The following CD9 variants were observed in gnomAD, a reference collection of about 807,000 sequenced individuals.
CD9 encodes CD9 molecule.
A neutral mutation model predicts 31.4 loss-of-function variants in CD9; 10 were observed. The observed-to-expected ratio is 0.32, with a 90% CI of 0.20 to 0.54. The LOEUF is 0.54. Ranked by LOEUF, CD9 falls within the 20% of genes least tolerant of loss-of-function variation. CD9 has a pLI of 0.94. For missense variants in CD9, 259 were observed against 300.1 expected (o/e 0.86, Z 1.01); for synonymous variants, 113 against 114.1 (o/e 0.99, Z 0.06).
intron 1 of CD9, among the ~76,000 whole-genome samples, chr12:6,205,357 C>G (rs979652800): frequency 1.3e-5 from 2 of 152,216 alleles, no homozygotes; most frequent in African/African-American, 4.8e-5. Flanking sequence ...TTCTCTACCC[C>G]CTTCTTTTCA....
At chr12:6,207,025 G>A (rs1946140105) in intron 1 of CD9, among the ~76,000 whole-genome samples, 1 of 151,978 alleles carries the variant, frequency 6.6e-6, no homozygotes, top group Non-Finnish European at 1.5e-5. Flanking sequence ...AAGTAGCTGG[G>A]ACTACAGCAC....
intron 1 of CD9, among the ~76,000 whole-genome samples, chr12:6,216,634 C>T (rs375861131): frequency 6.6e-6 from 1 of 152,206 alleles, no homozygotes; most frequent in South Asian, 2.1e-4. Context: ...TCCCCACTTT[C>T]CTTTGGCCAT....
intron 1 of CD9, among the ~76,000 whole-genome samples, chr12:6,210,612 T>C (rs578064058): frequency 1.3e-5 from 2 of 152,302 alleles, no homozygotes; most frequent in African/African-American, 2.4e-5. Flanking sequence ...ATGGGCTCCC[T>C]TGTGGCCTTT....
At chr12:6,217,967 G>A (rs1441490639) in intron 1 of CD9, among the ~76,000 whole-genome samples, 2 of 152,272 alleles carry the variant, frequency 1.3e-5, no homozygotes, top group African/African-American at 4.8e-5. Flanking sequence ...GCTCATGCTT[G>A]TAATCCCAGC....
At chr12:6,234,127 C>T (rs1274757829) in intron 4 of CD9, among the ~76,000 whole-genome samples, 1 of 151,510 alleles carries the variant, frequency 6.6e-6, no homozygotes, top group African/African-American at 2.4e-5. Context: ...GAGATGCGTT[C>T]AGGAGGAAAG....
chr12:6,203,038 TGAAAA>T (rs1382902033), intron 1 of CD9, among the ~76,000 whole-genome samples: 2 of 152,192 alleles, frequency 1.3e-5, no homozygotes, highest in East Asian at 3.8e-4. Flanking sequence ...GATGATGTAA[TGAAAA>T]GGAAGACTGT....
chr12:6,229,158 C>G (rs1397053213), intron 2 of CD9, among the ~76,000 whole-genome samples: 6 of 152,216 alleles, frequency 3.9e-5, no homozygotes, highest in Non-Finnish European at 8.8e-5. Flanking sequence ...CCTAGGCCAG[C>G]AGCCTTTCCC....
intron 1 of CD9, among the ~76,000 whole-genome samples, chr12:6,218,001 G>T (rs190858827): frequency 8.9e-4 from 136 of 152,292 alleles, no homozygotes; most frequent in African/African-American, 3.2e-3. Flanking sequence ...AAGCTGGGTG[G>T]ATCTCCTGAG....
intron 1 of CD9, among the ~76,000 whole-genome samples, chr12:6,209,432 C>T (rs570123990): frequency 6.6e-6 from 1 of 152,290 alleles, no homozygotes; most frequent in East Asian, 1.9e-4. Flanking sequence ...CGGCCCCGTT[C>T]CTAGAGACGG....
rs1052735480 is a variant in CD9, at chr12:6,236,005, T to C, written c.538-187T>C. ...TCCTGCCCAGATTTTAGGGATCCAC[T>C]AGCATAGCCATCCCTTTGTTCCCCT... On this transcript the variant is annotated intron_variant, in intron 6 of 7. Transcript: ENST00000009180. 1.3e-5 allele frequency: 18 copies of C among 1,427,784 alleles called. No individual in the cohort carries two copies. In the African/African-American group the frequency reaches 2.6e-4, roughly 21 times the overall value. 88.4% of individuals were successfully genotyped at this position (1,427,784 alleles called of 1,614,324 possible).
Position 6,237,899 on chromosome 12 carries a change from GTTTTGTT to G in CD9, c.*73_*79del. On this transcript the variant is annotated 3_prime_UTR_variant, in exon 8 of 8. Coordinates refer to ENST00000009180, the MANE Select transcript of CD9 (RefSeq NM_001769.4). Reference sequence around the variant, plus strand: ...GTGGGATTTTTTGTTTGTTTGTTTTGTTTTGTTTGTTGTTTGTTGTTTGTTTTTTTGC... The same window carrying G: ...GTGGGATTTTTTGTTTGTTTGTTTTGTGTTGTTTGTTGTTTGTTTTTTTGC... 2.5e-6 allele frequency: 3 copies of G among 1,191,764 alleles called. No homozygotes were observed. The highest frequency in any genetic ancestry group is 2.5e-6 in the Non-Finnish European group (2 of 805,160). The allele number at this position is 1,191,764 out of a possible 1,614,324, so 73.8% of individuals were successfully genotyped here.
rs569293161 is a variant in CD9 at position 6,208,732 on chromosome 12, C to T, written c.66+8167C>T. Among the ~76,000 whole-genome samples the T allele has an allele frequency of 5.9e-5, 9 of 151,914 alleles. No homozygotes were observed. The East Asian group carries it at 1.2e-3, about 20-fold the overall frequency. On this transcript the variant is annotated intron_variant, in intron 1 of 7. Coordinates refer to ENST00000009180, the MANE Select transcript of CD9 (RefSeq NM_001769.4). ...GATTACAGGGGTGTGCCACCATGCCCGGCTAATTTTTAGTAGAGACGGGGT... is the reference window on the plus strand; with the variant it reads ...GATTACAGGGGTGTGCCACCATGCCTGGCTAATTTTTAGTAGAGACGGGGT...
chr12:6,237,832 C>T lies in CD9; in HGVS notation c.*4C>T, dbSNP rs1591983993. ...CAGGAACCGCGAGATGGTCTAGAGT[C>T]AGCTTACATCCCTGAGCAGGAAAGT... is the stretch of plus-strand genomic sequence containing the variant. On this transcript the variant is annotated 3_prime_UTR_variant, in exon 8 of 8. Coordinates refer to ENST00000009180, the MANE Select transcript of CD9 (RefSeq NM_001769.4). 1 of 1,606,370 alleles carries T rather than the reference C, an allele frequency of 6.2e-7. No homozygotes were observed. Among genetic ancestry groups the T allele is most frequent in the East Asian group, 2.2e-5 (1 of 44,838 alleles).
intron 1 of CD9, among the ~76,000 whole-genome samples, chr12:6,214,948 T>C (rs1946230036): frequency 6.6e-6 from 1 of 152,170 alleles, no homozygotes; most frequent in Non-Finnish European, 1.5e-5. Context: ...CCTGGCTCAG[T>C]GGGTTCAGCA....
chr12:6,238,004 C>T lies in CD9; in HGVS notation c.*176C>T. The T allele has an allele frequency of 1.9e-6, 1 of 532,238 alleles. No homozygotes were observed. The highest frequency in any genetic ancestry group is 2.2e-5 in the South Asian group (1 of 44,730). The allele number at this position is 532,238 out of a possible 1,614,324, so 33.0% of individuals were successfully genotyped here. A position where few individuals can be genotyped will look rare whatever the true frequency, so the allele number is the denominator to read the frequency against. ...ACTTTATGTTTGTCTTTTAATGCTT[C>T]ATTCAATATTGACATTTGTAGTTGA... On this transcript the variant is annotated 3_prime_UTR_variant, in exon 8 of 8. Transcript: ENST00000009180.
At chr12:6,230,674 C>T (rs1946432242) in intron 2 of CD9, among the ~76,000 whole-genome samples, 1 of 152,226 alleles carries the variant, frequency 6.6e-6, no homozygotes, top group Non-Finnish European at 1.5e-5. Flanking sequence ...AAGGAGGCTG[C>T]CCTCTTACCC....
At chr12:6,228,285 C>T (rs539978553) in intron 2 of CD9, among the ~76,000 whole-genome samples, 4 of 152,114 alleles carry the variant, frequency 2.6e-5, no homozygotes, top group East Asian at 1.9e-4. Context: ...TCAGGTGATC[C>T]GTCCGCCTCA....
intron 2 of CD9, among the ~76,000 whole-genome samples, chr12:6,226,823 T>C (rs998589550): frequency 2.6e-5 from 4 of 152,214 alleles, no homozygotes; most frequent in African/African-American, 7.2e-5. Flanking sequence ...AGACCATTTT[T>C]TGGGAGTCTG....
chr12:6,233,564 T>C (rs1218698341), intron 4 of CD9, 78 bp downstream of exon 4: 15 of 1,109,970 alleles, frequency 1.4e-5, no homozygotes, highest in Non-Finnish European at 1.8e-5. Flanking sequence ...AAGTCCTGGC[T>C]GGGCACTTTG....
Sources: allele counts gnomAD v4.1 joint callset (sites outside exome capture counted in the v4.1 genomes callset), GRCh38; gene constraint gnomAD v4.1.1; transcripts MANE v1.5; gene names NCBI Gene and HGNC (gene_info 2026-07-23, HGNC 2026-07-21).